The following ING1 variants were observed in gnomAD, a reference collection of about 807,000 sequenced individuals.
ING1 encodes the protein inhibitor of growth family member 1, also known as inhibitor of growth protein 1.
A neutral mutation model predicts 23.1 loss-of-function variants in ING1; 4 were observed. The ratio of observed to expected loss-of-function variants is 0.17; its 90% confidence interval spans 0.09 to 0.40. ING1 has a LOEUF of 0.40. Among genes scored for constraint, ING1 ranks in the 10% least tolerant of loss-of-function variants. The pLI, the probability that ING1 is intolerant of heterozygous loss-of-function variation, is 1.00. For missense variants in ING1, 256 were observed against 393.8 expected, an observed-to-expected ratio of 0.65 and a Z score of 2.96; for synonymous variants, 179 against 166.4, an observed-to-expected ratio of 1.08 and a Z score of -0.58.
chr13:110,719,369 A>G lies in ING1; in HGVS notation c.277A>G (p.Ser93Gly). ...ELGDEKIQIVSQMVELVENRT... is the reference protein window; with the variant it reads ...ELGDEKIQIVGQMVELVENRT... Reference sequence around the variant, plus strand: ...GGGCGACGAGAAGATCCAGATCGTGAGCCAGATGGTGGAGCTGGTGGAGAA... The same window carrying G: ...GGGCGACGAGAAGATCCAGATCGTGGGCCAGATGGTGGAGCTGGTGGAGAA... The change falls in exon 2 of 2, where the codon AGC becomes GGC. Residue 93 changes from serine to glycine, a missense_variant. Transcript: ENST00000333219. This position sits in a 1 kb window ranked among gnomAD's most constrained non-coding sequence, Gnocchi z 8.9. 6.2e-7 allele frequency: 1 copy of G among 1,610,034 alleles called. No individual in the cohort carries two copies. The highest frequency in any genetic ancestry group is 8.5e-7 in the Non-Finnish European group (1 of 1,179,848).
chr13:110,720,894 A>G lies in ING1; in HGVS notation c.*962A>G, dbSNP rs1470726085. 6.0e-6 allele frequency: 1 copy of G among 167,130 alleles called. No homozygotes were observed. Among genetic ancestry groups the G allele is most frequent in the East Asian group, 1.9e-4 (1 of 5,208 alleles). 10.4% of individuals were successfully genotyped at this position (167,130 alleles called of 1,614,324 possible). ...TTTTGTATTATTGTTCTCACTTATT[A>G]TTAATAATGAAGTAGAAGTTACTTA... On this transcript the variant is annotated 3_prime_UTR_variant, in exon 2 of 2. Transcript: ENST00000333219.
In ING1 at chr13:110,715,078, C is replaced by T; in HGVS notation, c.136+793C>T. On this transcript the variant is annotated intron_variant, in intron 1 of 1. Transcript: ENST00000333219. ...ACTGTGGCAGGTGAGAGGACCTGTG[C>T]GTCGTTCTCTGCAGACCTGGCCGCC... The T allele has an allele frequency of 3.9e-6, 4 of 1,028,384 alleles. No individual in the cohort carries two copies. In the South Asian group the frequency reaches 1.7e-4, roughly 43 times the overall value. The allele number at this position is 1,028,384 out of a possible 1,614,324, so 63.7% of individuals were successfully genotyped here.
upstream of ING1, chr13:110,712,958 G>A (rs779819065): frequency 6.4e-7 from 1 of 1,560,422 alleles, no homozygotes; most frequent in Non-Finnish European, 8.7e-7. Flanking sequence ...GCTGGGAGTG[G>A]TGGTCCGGCC....
chr13:110,713,015 G>A (rs757136891), upstream of ING1: 41 of 1,519,544 alleles, frequency 2.7e-5, no homozygotes, highest in Middle Eastern at 3.9e-4. Flanking sequence ...CAGCTCAAAG[G>A]ACACCGAGAG....
intron 1 of ING1, chr13:110,715,526 C>G (rs549585610): frequency 1.2e-6 from 2 of 1,614,170 alleles, no homozygotes; most frequent in Non-Finnish European, 8.5e-7. Flanking sequence ...AGCGCAATAA[C>G]TGGTATGGGT....
chr13:110,713,771 C>A lies in ING1; in HGVS notation c.-379C>A. 2 of 985,068 alleles carry A rather than the reference C, an allele frequency of 2.0e-6. No individual in the cohort carries two copies. The highest frequency in any genetic ancestry group is 2.4e-6 in the Non-Finnish European group (2 of 829,842). The allele number at this position is 985,068 out of a possible 1,614,324, so 61.0% of individuals were successfully genotyped here. On this transcript the variant is annotated 5_prime_UTR_variant, in exon 1 of 2. Transcript: ENST00000333219. Reference sequence around the variant, plus strand: ...GCCCCTTCCCGCTGCCCGCTCCGCTCCTCTCTTCTACCCAGCCCAGTGGGC... The same window carrying A: ...GCCCCTTCCCGCTGCCCGCTCCGCTACTCTCTTCTACCCAGCCCAGTGGGC...
chr13:110,715,842 C>A (rs754700773), intron 1 of ING1: 2 of 1,591,686 alleles, frequency 1.3e-6, no homozygotes, highest in Non-Finnish European at 8.5e-7. Flanking sequence ...TCAGCCCGGC[C>A]ACTTTCGGGC....
At chr13:110,712,953 G>T, upstream of ING1, 1 of 1,560,104 alleles carries the variant, frequency 6.4e-7, no homozygotes, top group Non-Finnish European at 8.7e-7. Flanking sequence ...AGGCTGCTGG[G>T]AGTGGTGGTC....
chr13:110,715,412 G>A, intron 1 of ING1: 1 of 1,539,890 alleles, frequency 6.5e-7, no homozygotes, highest in Non-Finnish European at 8.8e-7. Context: ...ATTATGGAAC[G>A]TCCCGCCTCA....
At chr13:110,712,998 G>A, upstream of ING1, 1 of 1,545,120 alleles carries the variant, frequency 6.5e-7, no homozygotes. Flanking sequence ...CGCGCACTCT[G>A]CGGCCGCAGC....
chr13:110,715,415 C>T (rs780071744), intron 1 of ING1: 7 of 1,541,362 alleles, frequency 4.5e-6, no homozygotes, highest in Non-Finnish European at 1.7e-6. Flanking sequence ...ATGGAACGTC[C>T]CGCCTCAGCC....
rs1447118831 is a variant in ING1 at position 110,713,894 on chromosome 13, G to A, written c.-256G>A. On this transcript the variant is annotated 5_prime_UTR_variant, in exon 1 of 2. Transcript: ENST00000333219. ...GCGCCAGCCCCGCCGCCTGAGAGGG[G>A]GCCTGCGCCGCCGGCCGGGGCGTGC... The A allele has an allele frequency of 4.5e-5, 44 of 981,538 alleles. No individual in the cohort carries two copies. The highest frequency in any genetic ancestry group is 5.1e-5 in the Non-Finnish European group (42 of 828,548). 60.8% of individuals were successfully genotyped at this position (981,538 alleles called of 1,614,324 possible). A position where few individuals can be genotyped will look rare whatever the true frequency, so the allele number is the denominator to read the frequency against.
chr13:110,719,953 G>T lies in ING1; in HGVS notation c.*21G>T. On this transcript the variant is annotated 3_prime_UTR_variant, in exon 2 of 2. Coordinates refer to ENST00000333219, the MANE Select transcript of ING1 (RefSeq NM_198219.3). This position sits in a 1 kb window ranked among gnomAD's most constrained non-coding sequence, Gnocchi z 8.9. ...GGTAGTTTGTGGACAGGCGCCTGGT[G>T]TGAGGAGGACAAAATAAACCGTGTA... 1 of 1,543,546 alleles carries T rather than the reference G, an allele frequency of 6.5e-7. No individual in the cohort carries two copies. The highest frequency in any genetic ancestry group is 8.8e-7 in the Non-Finnish European group (1 of 1,139,872).
chr13:110,717,134 G>GA (rs1162350792), intron 1 of ING1, among the ~76,000 whole-genome samples: 4 of 152,104 alleles, frequency 2.6e-5, no homozygotes, highest in African/African-American at 9.7e-5. Flanking sequence ...GATTACTGAT[G>GA]AAAAGAAGTG....
upstream of ING1, chr13:110,712,905 G>A (rs1450225883): frequency 1.3e-6 from 2 of 1,529,272 alleles, no homozygotes; most frequent in East Asian, 2.4e-5. Flanking sequence ...GACACAAAGG[G>A]AGGGCGGTGA....
intron 1 of ING1, chr13:110,715,140 C>T (rs893048886): frequency 2.6e-6 from 3 of 1,136,716 alleles, no homozygotes; most frequent in Non-Finnish European, 3.2e-6. Context: ...TCGTGTCCGC[C>T]GGGAATTGTT....
At chr13:110,715,584 GGAGGGTGGAC>G in intron 1 of ING1, 1 of 1,614,152 alleles carries the variant, frequency 6.2e-7, no homozygotes, top group Non-Finnish European at 8.5e-7. Context: ...GGAGCGGGGT[GGAGGGTGGAC>G]GAGTTGATTT....
Position 110,719,404 on chromosome 13 carries a change from G to T in ING1, c.312G>T (p.Arg104=). Residue 104 remains arginine, a synonymous_variant, in exon 2 of 2, where the codon CGG becomes CGT. Coordinates refer to ENST00000333219, the MANE Select transcript of ING1 (RefSeq NM_198219.3). This position sits in a 1 kb window ranked among gnomAD's most constrained non-coding sequence, Gnocchi z 8.9. ...TGGAGCTGGTGGAGAACCGCACGCG[G>T]CAGGTGGACAGCCACGTGGAGCTGT... The part of the protein sequence containing the change: ...QMVELVENRT[R]QVDSHVELFE... 1 of 1,611,348 alleles carries T rather than the reference G, an allele frequency of 6.2e-7. No homozygotes were observed.
intron 1 of ING1, 39 bp downstream of exon 1, chr13:110,714,324 C>A: frequency 2.7e-6 from 4 of 1,503,878 alleles, no homozygotes; most frequent in African/African-American, 1.4e-5. Context: ...CGGCCGCCTC[C>A]TTCCCGGCGG....
Sources: allele counts gnomAD v4.1 joint callset (sites outside exome capture counted in the v4.1 genomes callset), GRCh38; gene constraint gnomAD v4.1.1; non-coding constraint Gnocchi (gnomAD v3.1); transcripts MANE v1.5; gene names NCBI Gene and HGNC (gene_info 2026-07-23, HGNC 2026-07-21).